The following TACC2 variants were observed in gnomAD, a reference collection of about 807,000 sequenced individuals.
TACC2 encodes the protein transforming acidic coiled-coil-containing protein 2.
TACC2 carries 137 observed loss-of-function variants against 227.3 expected under a neutral mutation model. The observed-to-expected ratio is 0.60, with a 90% confidence interval of 0.52 to 0.69. TACC2 has a LOEUF of 0.69. TACC2 is among the 30% of genes least tolerant of loss of function. TACC2 has a pLI of 0.00. For missense variants in TACC2, 3,470 were observed against 3,694.4 expected (o/e 0.94, Z 1.57); for synonymous variants, 1,523 against 1,487.5 (o/e 1.02, Z -0.55).
intron 16 of TACC2, among the ~76,000 whole-genome samples, chr10:122,232,371 C>T (rs1319543545): frequency 6.6e-6 from 1 of 152,116 alleles, no homozygotes; most frequent in African/African-American, 2.4e-5. Context: ...GTGCTTTGGT[C>T]CCCCTGCCAC....
chr10:122,216,068 C>T (rs1454041193), intron 10 of TACC2, among the ~76,000 whole-genome samples: 1 of 152,158 alleles, frequency 6.6e-6, no homozygotes, highest in Non-Finnish European at 1.5e-5. Flanking sequence ...CCAGCAAAGC[C>T]CCAGCCTGCA....
chr10:122,205,856 C>T lies in TACC2; in HGVS notation c.5972-4541C>T, dbSNP rs1233235854. On this transcript the variant is annotated intron_variant, in intron 8 of 22. Coordinates refer to ENST00000369005, the MANE Select transcript of TACC2 (RefSeq NM_206862.4). This position sits in a 1 kb window ranked among gnomAD's most constrained non-coding sequence, Gnocchi z 4.5. ...AACCAGCAAACTGCCACAGAAAGAC[C>T]AAGTACTGCTTTGTATCTCGTTAGC... 6.6e-6 allele frequency among the ~76,000 whole-genome samples: 1 copy of T among 152,220 alleles called. No homozygotes were observed. The highest frequency in any genetic ancestry group is 2.4e-5 in the African/African-American group (1 of 41,450).
intron 5 of TACC2, among the ~76,000 whole-genome samples, chr10:122,116,920 G>A (rs889726960): frequency 1.1e-4 from 16 of 149,488 alleles, no homozygotes; most frequent in African/African-American, 3.7e-4. Context: ...TTTTGAGACC[G>A]TCTTGCTGCA....
At chr10:122,228,307 G>T (rs540172367) in intron 14 of TACC2, among the ~76,000 whole-genome samples, 2 of 152,186 alleles carry the variant, frequency 1.3e-5, no homozygotes, top group African/African-American at 4.8e-5. Context: ...TAGGGCAGTC[G>T]TTAAGCAGTC....
chr10:122,246,100 A>G (rs73357678), intron 19 of TACC2, among the ~76,000 whole-genome samples: 13,836 of 152,206 alleles, frequency 0.091, 1,830 homozygotes, highest in African/African-American at 0.29. Context: ...TGGTTCTCCA[A>G]GCAGGGTCCC....
At chr10:122,174,734 G>A (rs1339689932) in intron 7 of TACC2, among the ~76,000 whole-genome samples, 1 of 152,006 alleles carries the variant, frequency 6.6e-6, no homozygotes, top group African/African-American at 2.4e-5. Flanking sequence ...CAAGTATATA[G>A]CACATTGTTA....
intron 6 of TACC2, among the ~76,000 whole-genome samples, chr10:122,140,052 T>C (rs1311618478): frequency 6.6e-6 from 1 of 152,224 alleles, no homozygotes; most frequent in Admixed American, 6.5e-5. Flanking sequence ...TCTGCAGGGC[T>C]GTCGGGCTGA....
intron 8 of TACC2, among the ~76,000 whole-genome samples, chr10:122,200,318 G>A (rs896521834): frequency 2.0e-5 from 3 of 152,130 alleles, no homozygotes; most frequent in African/African-American, 7.3e-5. Flanking sequence ...AGAGTTTGGG[G>A]CCTGCATAGA....
chr10:122,203,763 G>A (rs1016746598), intron 8 of TACC2, among the ~76,000 whole-genome samples: 22 of 152,118 alleles, frequency 1.4e-4, no homozygotes, highest in Admixed American at 3.3e-4. Flanking sequence ...GGTGGCGGCC[G>A]GGCAGAGGCT....
At chr10:122,253,919 A>G in intron 22 of TACC2, 72 bp from the exon 23 acceptor site, 1 of 1,363,374 alleles carries the variant, frequency 7.3e-7, no homozygotes, top group Non-Finnish European at 1.0e-6. Context: ...CCATCTCCCC[A>G]AAAAGCCCCA....
At chr10:122,063,614 C>A (rs527957956) in intron 3 of TACC2, among the ~76,000 whole-genome samples, 5 of 151,926 alleles carry the variant, frequency 3.3e-5, no homozygotes, top group Non-Finnish European at 7.4e-5. Flanking sequence ...TGGAACATAG[C>A]GAAGAGTGCA....
intron 3 of TACC2, among the ~76,000 whole-genome samples, chr10:122,061,277 C>T (rs1188231051): frequency 8.2e-6 from 1 of 122,644 alleles, no homozygotes; most frequent in Non-Finnish European, 1.7e-5. Flanking sequence ...CGCCACTGCA[C>T]TCCGTCTCAA....
chr10:122,157,516 AT>A (rs55961900), intron 7 of TACC2, among the ~76,000 whole-genome samples: 6,756 of 144,456 alleles, frequency 0.047, 268 homozygotes, highest in East Asian at 0.23. Flanking sequence ...CATCCATGGG[AT>A]TTTTTTTTTT....
rs1482252348 is a variant in TACC2 at position 122,082,883 on chromosome 10, C to G, written c.383C>G (p.Ala128Gly). Residue 128 changes from alanine to glycine, a missense_variant, in exon 4 of 23, where the codon GCA becomes GGA. Ala to Gly is a moderately conservative substitution (Grantham distance 60). Around this residue, in one of 10 missense-constraint regions of TACC2, gnomAD observed 405 missense variants for 389.6 expected, o/e 1.04. Coordinates refer to ENST00000369005, the MANE Select transcript of TACC2 (RefSeq NM_206862.4). ...PEGCLASPAAAPEDGPQTQSP... is the reference protein window; with the variant it reads ...PEGCLASPAAGPEDGPQTQSP... ...GGTTGCTTGGCAAGTCCAGCAGCGG[C>G]ACCTGAAGATGGTCCTCAGACTCAG... 6.2e-7 allele frequency: 1 copy of G among 1,613,364 alleles called. No individual in the cohort carries two copies. Among genetic ancestry groups the G allele is most frequent in the East Asian group, 2.2e-5 (1 of 44,854 alleles).
At position 122,107,048 on chromosome 10, in the gene TACC2, T is replaced by C. The variant is rs550943626; in HGVS notation, c.5573+18457T>C. Among the ~76,000 whole-genome samples the C allele has an allele frequency of 1.9e-4, 29 of 152,244 alleles. 1 individual carries two copies. Among genetic ancestry groups the C allele is most frequent in the African/African-American group, 7.0e-4 (29 of 41,538 alleles). On this transcript the variant is annotated intron_variant, in intron 5 of 22. Transcript: ENST00000369005. Reference sequence around the variant, plus strand: ...TCTTCCAAAGAGTGAGAAAACTATCTCCAGAAGGCCTGCTGATTTTCTCTT... The same window carrying C: ...TCTTCCAAAGAGTGAGAAAACTATCCCCAGAAGGCCTGCTGATTTTCTCTT...
intron 11 of TACC2, among the ~76,000 whole-genome samples, chr10:122,223,053 C>CTTT (rs35098612): frequency 4.5e-4 from 42 of 94,006 alleles, no homozygotes; most frequent in African/African-American, 6.1e-4. Context: ...CTCTCTCTCT[C>CTTT]TTTTTTTTTT....
intron 7 of TACC2, among the ~76,000 whole-genome samples, chr10:122,174,636 A>T (rs1161125740): frequency 1.3e-5 from 2 of 152,198 alleles, no homozygotes; most frequent in Non-Finnish European, 2.9e-5. Context: ...TCCATTGTAG[A>T]ATGGCTAAAT....
At chr10:122,157,364 G>A (rs1424571286) in intron 7 of TACC2, among the ~76,000 whole-genome samples, 3 of 152,246 alleles carry the variant, frequency 2.0e-5, no homozygotes, top group Middle Eastern at 3.4e-3. Context: ...AGCCCCTGCC[G>A]TGCTTGCTGA....
At chr10:122,183,755 C>G (rs984083843) in intron 7 of TACC2, among the ~76,000 whole-genome samples, 1 of 152,154 alleles carries the variant, frequency 6.6e-6, no homozygotes, top group African/African-American at 2.4e-5. Flanking sequence ...CAGGAGCCTC[C>G]GTGAGTGGGG....
Sources: allele counts gnomAD v4.1 joint callset (sites outside exome capture counted in the v4.1 genomes callset), GRCh38; gene constraint gnomAD v4.1.1; regional missense constraint gnomAD v4.1.1; non-coding constraint Gnocchi (gnomAD v3.1); transcripts MANE v1.5; gene names NCBI Gene and HGNC (gene_info 2026-07-23, HGNC 2026-07-21).